CERS6: variants seen among roughly 807,000 people sequenced by gnomAD.
CERS6 encodes the protein ceramide synthase 6, also known as LAG1 homolog, ceramide synthase 6.
In CERS6, 26 loss-of-function variants were observed where a neutral mutation model predicts 56.8. That is an observed-to-expected ratio of 0.46 (90% CI 0.34 to 0.63). The LOEUF is 0.63. Among genes scored for constraint, CERS6 ranks in the 30% least tolerant of loss-of-function variants. The pLI, the probability that CERS6 is intolerant of heterozygous loss-of-function variation, is 0.01. For synonymous variants in CERS6, 164 were observed against 173.3 expected (o/e 0.95, Z 0.42); for missense variants, 415 against 467.5 (o/e 0.89, Z 1.04).
chr2:168,461,459 CAAAAAA>C (rs397869323), intron 1 of CERS6, among the ~76,000 whole-genome samples: 2 of 79,042 alleles, frequency 2.5e-5, no homozygotes, highest in Admixed American at 1.5e-4. Flanking sequence ...GACCCTGTCT[CAAAAAA>C]AAAAAAAAAA....
chr2:168,750,017 A>T (rs879817664), intron 8 of CERS6, among the ~76,000 whole-genome samples: 5 of 152,218 alleles, frequency 3.3e-5, no homozygotes, highest in Admixed American at 1.3e-4. Context: ...TTGGGTCTTC[A>T]GGTCATGGAG....
At chr2:168,540,966 T>G (rs1695357297) in intron 1 of CERS6, among the ~76,000 whole-genome samples, 2 of 152,168 alleles carry the variant, frequency 1.3e-5, no homozygotes, top group Admixed American at 6.5e-5. Context: ...AGAACATGTT[T>G]ATTTAGCACA....
chr2:168,600,418 A>G (rs974265191), intron 3 of CERS6, among the ~76,000 whole-genome samples: 3 of 151,990 alleles, frequency 2.0e-5, no homozygotes, highest in African/African-American at 7.3e-5. Context: ...GTTAGCCAGG[A>G]TGGTCTCGAT....
chr2:168,726,663 C>T (rs1259567372), intron 8 of CERS6, among the ~76,000 whole-genome samples: 2 of 152,124 alleles, frequency 1.3e-5, no homozygotes, highest in Non-Finnish European at 2.9e-5. Flanking sequence ...AAATACTCTA[C>T]CTACCTTACC....
At chr2:168,473,047 TA>T (rs1334182476) in intron 1 of CERS6, among the ~76,000 whole-genome samples, 1 of 152,210 alleles carries the variant, frequency 6.6e-6, no homozygotes, top group Non-Finnish European at 1.5e-5. Context: ...TTTTCTTATT[TA>T]AGCTTTTTGT....
At chr2:168,532,868 A>G (rs909463989) in intron 1 of CERS6, among the ~76,000 whole-genome samples, 2 of 152,234 alleles carry the variant, frequency 1.3e-5, no homozygotes, top group Non-Finnish European at 2.9e-5. Flanking sequence ...GCAGAAATTT[A>G]TATGTAAATA....
At chr2:168,479,380 G>A (rs1558965123) in intron 1 of CERS6, among the ~76,000 whole-genome samples, 1 of 152,096 alleles carries the variant, frequency 6.6e-6, no homozygotes, top group Non-Finnish European at 1.5e-5. Flanking sequence ...ATGCATGTGT[G>A]TGTGTATATA....
intron 2 of CERS6, among the ~76,000 whole-genome samples, chr2:168,553,909 G>A (rs1695629065): frequency 6.6e-6 from 1 of 152,062 alleles, no homozygotes; most frequent in Non-Finnish European, 1.5e-5. Flanking sequence ...CTCTAAGAGG[G>A]GAGTCAAAGC....
intron 4 of CERS6, among the ~76,000 whole-genome samples, chr2:168,658,871 G>T (rs1247509320): frequency 6.6e-6 from 1 of 152,142 alleles, no homozygotes; most frequent in African/African-American, 2.4e-5. Flanking sequence ...CATTAGACGG[G>T]CCCCCTCAGA....
At chr2:168,550,498 T>C (rs1695546856) in intron 2 of CERS6, among the ~76,000 whole-genome samples, 1 of 152,110 alleles carries the variant, frequency 6.6e-6, no homozygotes, top group Non-Finnish European at 1.5e-5. Context: ...TTATTTGTCG[T>C]GTAATGTCAT....
intron 4 of CERS6, among the ~76,000 whole-genome samples, chr2:168,676,999 CTT>C (rs59600302): frequency 2.1e-4 from 20 of 96,676 alleles, no homozygotes; most frequent in African/African-American, 4.9e-4. Flanking sequence ...TTTTTTGGGG[CTT>C]TTTTTTTTTT....
At chr2:168,494,495 C>A (rs1240001515) in intron 1 of CERS6, among the ~76,000 whole-genome samples, 1 of 152,148 alleles carries the variant, frequency 6.6e-6, no homozygotes, top group Non-Finnish European at 1.5e-5. Context: ...AAACATATAT[C>A]TAACACTGTA....
intron 3 of CERS6, among the ~76,000 whole-genome samples, chr2:168,630,420 C>T (rs1684688800): frequency 6.6e-6 from 1 of 152,034 alleles, no homozygotes; most frequent in East Asian, 1.9e-4. Context: ...AAGTGAAAGT[C>T]ACAGCTAGAC....
chr2:168,743,090 C>A (rs781082959), intron 8 of CERS6, among the ~76,000 whole-genome samples: 1 of 151,540 alleles, frequency 6.6e-6, no homozygotes, highest in Non-Finnish European at 1.5e-5. Context: ...TACTTGGGGC[C>A]GACCCTAACA....
intron 4 of CERS6, among the ~76,000 whole-genome samples, chr2:168,667,649 C>T (rs555019798): frequency 6.6e-6 from 1 of 152,174 alleles, no homozygotes; most frequent in African/African-American, 2.4e-5. Context: ...GCCCTGACAA[C>T]TCGGAGTCAT....
chr2:168,702,510 A>G (rs1476916512), intron 6 of CERS6, among the ~76,000 whole-genome samples: 1 of 152,218 alleles, frequency 6.6e-6, no homozygotes, highest in East Asian at 1.9e-4. Context: ...TATGTGTACC[A>G]GCAGGAGCTT....
intron 1 of CERS6, among the ~76,000 whole-genome samples, chr2:168,487,534 A>C (rs1694296733): frequency 6.6e-6 from 1 of 152,190 alleles, no homozygotes; most frequent in African/African-American, 2.4e-5. Flanking sequence ...TGCTATTGCT[A>C]ATCTTTATAA....
At chr2:168,484,721 A>G (rs1056949221) in intron 1 of CERS6, among the ~76,000 whole-genome samples, 2 of 151,266 alleles carry the variant, frequency 1.3e-5, no homozygotes, top group African/African-American at 4.9e-5. Context: ...AGATTAGAAC[A>G]GGGGCTTTAG....
rs150056756 is a variant in CERS6 at position 168,605,916 on chromosome 2, G to A, written c.408-25069G>A. Reference sequence around the variant, plus strand: ...GGGACAGAGCCCTCATGGAGAACCTGTACTAGGGCAGTGCAGAGGGGAAAT... The same window carrying A: ...GGGACAGAGCCCTCATGGAGAACCTATACTAGGGCAGTGCAGAGGGGAAAT... On this transcript the variant is annotated intron_variant, in intron 3 of 9. Coordinates refer to ENST00000305747, the MANE Select transcript of CERS6 (RefSeq NM_203463.3). 1.3e-3 allele frequency among the ~76,000 whole-genome samples: 204 copies of A among 152,328 alleles called. 4 individuals are homozygous for A. The highest frequency in any genetic ancestry group is 5.9e-5 in the Non-Finnish European group (4 of 68,028).
Sources: gnomAD v4.1 joint callset for allele counts (sites outside exome capture counted in the v4.1 genomes callset) on GRCh38, gnomAD v4.1.1 for gene constraint, MANE v1.5 for transcripts, NCBI Gene and HGNC (gene_info 2026-07-23, HGNC 2026-07-21) for gene names.